SLC45A3: variants seen among roughly 807,000 people sequenced by gnomAD.
The protein encoded by SLC45A3 is solute carrier family 45 member 3.
A neutral mutation model predicts 35.3 loss-of-function variants in SLC45A3; 17 were observed. The ratio of observed to expected loss-of-function variants is 0.48; its 90% CI spans 0.33 to 0.72. The LOEUF is 0.72. SLC45A3 is among the 30% of genes least tolerant of loss of function. The pLI, the probability that SLC45A3 is intolerant of heterozygous loss-of-function variation, is 0.02. For missense variants in SLC45A3, 597 were observed against 731.7 expected, an observed-to-expected ratio of 0.82 and a Z score of 2.12; for synonymous variants, 288 against 334.3, an observed-to-expected ratio of 0.86 and a Z score of 1.51.
At chr1:205,672,150 C>T (rs1671228459) in intron 1 of SLC45A3, among the ~76,000 whole-genome samples, 1 of 152,016 alleles carries the variant, frequency 6.6e-6, no homozygotes, top group Admixed American at 6.6e-5. Context: ...TTTCTCATTC[C>T]CAAACAGGAG....
intron 1 of SLC45A3, among the ~76,000 whole-genome samples, chr1:205,677,126 C>T (rs377616957): frequency 5.3e-5 from 8 of 152,310 alleles, no homozygotes; most frequent in African/African-American, 1.9e-4. Flanking sequence ...GATATACATT[C>T]ATGTTCATGG....
Position 205,664,549 on chromosome 1 carries a change from G to T in SLC45A3, c.108C>A (p.Ile36=). The T allele has an allele frequency of 6.2e-7, 1 of 1,614,228 alleles. No homozygotes were observed. Among genetic ancestry groups the T allele is most frequent in the South Asian group, 1.1e-5 (1 of 91,088 alleles). The change falls in exon 2 of 5, where the codon ATC becomes ATA. Residue 36 remains isoleucine, a synonymous_variant. Coordinates refer to ENST00000367145, the MANE Select transcript of SLC45A3 (RefSeq NM_033102.3). The surrounding 1 kb of genome is among the most constrained non-coding windows in gnomAD (Gnocchi z 5.3). ...FGLEVCLAAG[I]TYVPPLLLEV... is the part of the protein sequence containing the mutation. ...CCAGCAGCAGAGGCGGCACATAGGT[G>T]ATGCCTGCGGCCAAACACACCTCCA...
At chr1:205,668,927 T>C (rs1671161168) in intron 1 of SLC45A3, among the ~76,000 whole-genome samples, 1 of 152,116 alleles carries the variant, frequency 6.6e-6, no homozygotes. Context: ...CCAAGGGCCG[T>C]GGGCAAGGTC....
chr1:205,670,934 C>T lies in SLC45A3; in HGVS notation c.-230-6048G>A, dbSNP rs549076992. ...AGGGCAATGGCTCCCTCCCCCCACT[C>T]ACCCCCAATGTGTGAAAACCCAACA... On this transcript the variant is annotated intron_variant, in intron 1 of 4. Transcript: ENST00000367145. Among the ~76,000 whole-genome samples the T allele has an allele frequency of 7.9e-5, 12 of 152,336 alleles. No individual in the cohort carries two copies. In the South Asian group the frequency reaches 2.5e-3, roughly 32 times the overall value.
chr1:205,661,918 G>GAA lies in SLC45A3; in HGVS notation c.1165_1166dup (p.Ala391GlnfsTer38). Reference sequence around the variant, plus strand: ...TGTAGGGCAGGATCTGCAGGGCTGAGAAGGTGAACCCGGTGAGGGCGGCTG... The same window carrying GAA: ...TGTAGGGCAGGATCTGCAGGGCTGAGAAAAGGTGAACCCGGTGAGGGCGGCTG... On this transcript the variant is annotated frameshift_variant, in exon 4 of 5. Coordinates refer to ENST00000367145, the MANE Select transcript of SLC45A3 (RefSeq NM_033102.3). LOFTEE classifies it high-confidence loss of function. 1 of 1,614,204 alleles carries GAA rather than the reference G, an allele frequency of 6.2e-7. No homozygotes were observed. The highest frequency in any genetic ancestry group is 1.1e-5 in the South Asian group (1 of 91,080).
intron 1 of SLC45A3, among the ~76,000 whole-genome samples, chr1:205,675,354 G>A (rs1050033797): frequency 6.6e-6 from 1 of 152,102 alleles, no homozygotes; most frequent in African/African-American, 2.4e-5. Context: ...GACCTGCCCT[G>A]GAAAAGAGGG....
chr1:205,659,465 G>A lies in SLC45A3; in HGVS notation c.1431C>T (p.Pro477=), dbSNP rs776379420. The A allele has an allele frequency of 2.5e-6, 4 of 1,614,042 alleles. No individual in the cohort carries two copies. The highest frequency in any genetic ancestry group is 3.3e-5 in the Admixed American group (2 of 60,016). ...DVSVRVVVGE[P]TEARVVPGRG... Reference sequence around the variant, plus strand: ...GGCCCGGAACCACCCTGGCCTCGGTGGGCTCACCCACCACCACACGTACGG... The same window carrying A: ...GGCCCGGAACCACCCTGGCCTCGGTAGGCTCACCCACCACCACACGTACGG... Residue 477 remains proline (P), a synonymous_variant, in exon 5 of 5, where the codon CCC becomes CCT. Transcript: ENST00000367145. This position sits in a 1 kb window ranked among gnomAD's most constrained non-coding sequence, Gnocchi z 5.8.
In SLC45A3 at chr1:205,659,103, G is replaced by T; in HGVS notation, c.*131C>A. 1 of 919,720 alleles carries T rather than the reference G, an allele frequency of 1.1e-6. No individual in the cohort carries two copies. The allele number at this position is 919,720 out of a possible 1,614,324, so 57.0% of individuals were successfully genotyped here. ...CTACGCACCTCAGCAGCACAGGGTG[G>T]CAGCAGAGAGCCACATTACTTTGGC... On this transcript the variant is annotated 3_prime_UTR_variant, in exon 5 of 5. Transcript: ENST00000367145. The surrounding 1 kb of genome is among the most constrained non-coding windows in gnomAD (Gnocchi z 5.8).
chr1:205,662,166 G>C lies in SLC45A3; in HGVS notation c.959-40C>G. On this transcript the variant is annotated intron_variant, in intron 3 of 4. Transcript: ENST00000367145. The surrounding 1 kb of genome is among the most constrained non-coding windows in gnomAD (Gnocchi z 6.2). ...GGGCCATCAGACAGAGCCTGGGAGG[G>C]AAGGGTCGGAGCAGTCTCAGGGAGA... 2 of 1,587,914 alleles carry C rather than the reference G, an allele frequency of 1.3e-6. No homozygotes were observed. Among genetic ancestry groups the C allele is most frequent in the Non-Finnish European group, 1.7e-6 (2 of 1,166,150 alleles).
intron 1 of SLC45A3, among the ~76,000 whole-genome samples, chr1:205,665,351 T>C (rs1337297265): frequency 6.6e-6 from 1 of 152,192 alleles, no homozygotes; most frequent in Non-Finnish European, 1.5e-5. Context: ...TCTGCATTGC[T>C]TGGCCATGAG....
intron 1 of SLC45A3, among the ~76,000 whole-genome samples, chr1:205,680,039 G>A (rs1009673753): frequency 2.7e-5 from 4 of 148,638 alleles, no homozygotes; most frequent in Admixed American, 2.7e-4. Context: ...CGTCGGCCCG[G>A]CCCGGTCCGG....
intron 1 of SLC45A3, among the ~76,000 whole-genome samples, chr1:205,679,915 CT>C (rs1047710856): frequency 1.3e-5 from 2 of 152,090 alleles, no homozygotes; most frequent in African/African-American, 4.8e-5. Context: ...GCCGCAGTGA[CT>C]CATCCTGCCC....
rs1671177546 is a variant in SLC45A3, at chr1:205,669,706, G to A, written c.-230-4820C>T. Among the ~76,000 whole-genome samples the A allele has an allele frequency of 6.6e-6, 1 of 152,202 alleles. No individual in the cohort carries two copies. The highest frequency in any genetic ancestry group is 1.5e-5 in the Non-Finnish European group (1 of 68,028). ...CCCTGCACACTCACAAAGACGCTCT[G>A]CTTTCTCCCAGGCTCCTCAGAAGCG... On this transcript the variant is annotated intron_variant, in intron 1 of 4. Transcript: ENST00000367145. The surrounding 1 kb of genome is among the most constrained non-coding windows in gnomAD (Gnocchi z 4.1).
intron 4 of SLC45A3, among the ~76,000 whole-genome samples, chr1:205,661,382 G>C (rs1039151371): frequency 2.6e-5 from 4 of 152,158 alleles, no homozygotes; most frequent in Non-Finnish European, 5.9e-5. Context: ...AGAAAGAAAG[G>C]GGGTAGGAAG....
Position 205,659,698 on chromosome 1 carries a change from G to C in SLC45A3, c.1225-27C>G. On this transcript the variant is annotated intron_variant, in intron 4 of 4. Transcript: ENST00000367145. This position sits in a 1 kb window ranked among gnomAD's most constrained non-coding sequence, Gnocchi z 5.8. Reference sequence around the variant, plus strand: ...TAAGGCAGAGGGGTGAAGAAAAGGGGAAGAGGACAGGTGTGTACCCAGCAC... The same window carrying C: ...TAAGGCAGAGGGGTGAAGAAAAGGGCAAGAGGACAGGTGTGTACCCAGCAC... 1 of 1,516,566 alleles carries C rather than the reference G, an allele frequency of 6.6e-7. No homozygotes were observed. Among genetic ancestry groups the C allele is most frequent in the East Asian group, 2.3e-5 (1 of 43,948 alleles). 93.9% of individuals were successfully genotyped at this position (1,516,566 alleles called of 1,614,324 possible). A position where few individuals can be genotyped will look rare whatever the true frequency, so the allele number is the denominator to read the frequency against.
In SLC45A3 at chr1:205,668,484, A is replaced by G. The variant is rs530999814; in HGVS notation, c.-230-3598T>C. On this transcript the variant is annotated intron_variant, in intron 1 of 4. Transcript: ENST00000367145. ...TCTTGCCAAAGCTTGCAAGTGACAG[A>G]TCAGTGTTGGAACCCCGCCTCCTGC... Among the ~76,000 whole-genome samples, 5 of 152,156 alleles carry G rather than the reference A, an allele frequency of 3.3e-5. No homozygotes were observed. In the Middle Eastern group the frequency reaches 0.01, roughly 311 times the overall value.
chr1:205,678,480 C>A (rs1224671064), intron 1 of SLC45A3, among the ~76,000 whole-genome samples: 1 of 152,088 alleles, frequency 6.6e-6, no homozygotes. Flanking sequence ...AAGGGGAGAG[C>A]TGGAGAGAGG....
At chr1:205,674,366 G>A (rs544304813) in intron 1 of SLC45A3, among the ~76,000 whole-genome samples, 10 of 152,154 alleles carry the variant, frequency 6.6e-5, no homozygotes, top group South Asian at 2.1e-4. Context: ...GGAGGCGTAT[G>A]ACTTGAGGTC....
chr1:205,661,838 T>G (rs1384311653), intron 4 of SLC45A3, 23 bp downstream of exon 4: 1 of 1,599,064 alleles, frequency 6.3e-7, no homozygotes, highest in Admixed American at 1.7e-5. Flanking sequence ...CCACCCTGAC[T>G]CCACCCACTG....
Sources: gnomAD v4.1 joint callset for allele counts (sites outside exome capture counted in the v4.1 genomes callset) on GRCh38, gnomAD v4.1.1 for gene constraint, Gnocchi (gnomAD v3.1) non-coding constraint, MANE v1.5 for transcripts, NCBI Gene and HGNC (gene_info 2026-07-23, HGNC 2026-07-21) for gene names.